The following MBNL2 variants were observed in gnomAD, a reference collection of about 807,000 sequenced individuals.
The protein encoded by MBNL2 is muscleblind like splicing regulator 2.
A neutral mutation model predicts 41.9 loss-of-function variants in MBNL2; 17 were observed. That is an observed-to-expected ratio of 0.41 (90% confidence interval 0.28 to 0.61). The LOEUF (loss-of-function observed/expected upper bound fraction) is 0.61. MBNL2 is among the 20% of genes least tolerant of loss of function. The pLI is 0.35. For synonymous variants in MBNL2, 195 were observed against 182.9 expected, an observed-to-expected ratio of 1.07 and a Z score of -0.53; for missense variants, 336 against 505.6, an observed-to-expected ratio of 0.66 and a Z score of 3.22.
intron 1 of MBNL2, among the ~76,000 whole-genome samples, chr13:97,244,117 T>G (rs1390997332): frequency 1.3e-5 from 2 of 152,220 alleles, no homozygotes; most frequent in Non-Finnish European, 2.9e-5. Context: ...TTCAAAGTCC[T>G]CACAGTTTAA....
chr13:97,155,381 C>CT, the MBNL2 span, among the ~76,000 whole-genome samples: 14,766 of 139,756 alleles, frequency 0.11, 743 homozygotes, highest in East Asian at 0.16. Flanking sequence ...AAGTAATTTT[C>CT]TTTTTTTTTT....
intron 8 of MBNL2, among the ~76,000 whole-genome samples, chr13:97,390,076 G>T (rs1188633360): frequency 6.6e-6 from 1 of 151,952 alleles, no homozygotes; most frequent in Admixed American, 6.6e-5. Flanking sequence ...TACATTCCTA[G>T]GAATATTTAA....
At chr13:97,287,075 TC>T (rs911569801) in intron 2 of MBNL2, among the ~76,000 whole-genome samples, 4 of 152,222 alleles carry the variant, frequency 2.6e-5, no homozygotes, top group African/African-American at 9.7e-5. Flanking sequence ...ACTCAGTTTT[TC>T]CCATTAATGT....
At chr13:97,182,840 C>T in the MBNL2 span, among the ~76,000 whole-genome samples, 1 of 152,098 alleles carries the variant, frequency 6.6e-6, no homozygotes, top group Non-Finnish European at 1.5e-5. Context: ...GAGAATTATT[C>T]CCCTCCATTG....
At chr13:97,239,089 C>T (rs1217198252) in intron 1 of MBNL2, among the ~76,000 whole-genome samples, 3 of 152,220 alleles carry the variant, frequency 2.0e-5, no homozygotes, top group Non-Finnish European at 4.4e-5. Flanking sequence ...TAATCAAACA[C>T]GATCTCTGTA....
intron 2 of MBNL2, among the ~76,000 whole-genome samples, chr13:97,283,792 C>G (rs564372266): frequency 6.6e-6 from 1 of 152,218 alleles, no homozygotes; most frequent in East Asian, 1.9e-4. Context: ...TCCCAATACC[C>G]AAGATATTCT....
chr13:97,203,915 TGGAC>T, the MBNL2 span, among the ~76,000 whole-genome samples: 43 of 130,184 alleles, frequency 3.3e-4, no homozygotes, highest in African/African-American at 1.0e-3. Flanking sequence ...GATGGATGGA[TGGAC>T]GGACGGATGA....
intron 5 of MBNL2, among the ~76,000 whole-genome samples, chr13:97,347,588 T>G (rs2062005814): frequency 6.6e-6 from 1 of 152,168 alleles, no homozygotes; most frequent in Admixed American, 6.5e-5. Flanking sequence ...CTGGTCAGAT[T>G]CCCCATCTCA....
intron 2 of MBNL2, among the ~76,000 whole-genome samples, chr13:97,313,034 C>T (rs1219003067): frequency 6.6e-6 from 1 of 152,164 alleles, no homozygotes; most frequent in East Asian, 1.9e-4. Flanking sequence ...CAATCGTCTA[C>T]AGAGGGAAAC....
At chr13:97,263,641 G>A (rs1269008692) in intron 1 of MBNL2, among the ~76,000 whole-genome samples, 2 of 152,082 alleles carry the variant, frequency 1.3e-5, no homozygotes, top group Non-Finnish European at 2.9e-5. Context: ...TTATTGAGAC[G>A]GAGTCTTACT....
At chr13:97,174,423 A>G in the MBNL2 span, among the ~76,000 whole-genome samples, 1 of 152,352 alleles carries the variant, frequency 6.6e-6, no homozygotes. Context: ...CAGACTCATT[A>G]GGACAAAGAA....
At chr13:97,330,166 G>A (rs577095928) in intron 2 of MBNL2, among the ~76,000 whole-genome samples, 1 of 152,300 alleles carries the variant, frequency 6.6e-6, no homozygotes, top group African/African-American at 2.4e-5. Context: ...TTGAATGAAA[G>A]AATGAATGAG....
At chr13:97,350,978 G>A (rs1047139228) in intron 5 of MBNL2, among the ~76,000 whole-genome samples, 1 of 152,160 alleles carries the variant, frequency 6.6e-6, no homozygotes, top group Admixed American at 6.5e-5. Flanking sequence ...TTCATCAGAG[G>A]AATCACTATC....
chr13:97,281,216 G>A (rs941343675), intron 2 of MBNL2, among the ~76,000 whole-genome samples: 15 of 152,110 alleles, frequency 9.9e-5, no homozygotes, highest in Non-Finnish European at 1.8e-4. Flanking sequence ...ATTGTACAGG[G>A]GTGCACTGCA....
chr13:97,314,321 T>G (rs1044126853), intron 2 of MBNL2, among the ~76,000 whole-genome samples: 3 of 152,232 alleles, frequency 2.0e-5, no homozygotes, highest in Non-Finnish European at 2.9e-5. Flanking sequence ...GTTCATCCTA[T>G]GAAAACTTGT....
intron 5 of MBNL2, among the ~76,000 whole-genome samples, chr13:97,354,582 T>C (rs556794752): frequency 1.3e-5 from 2 of 152,332 alleles, no homozygotes; most frequent in South Asian, 4.1e-4. Context: ...TTTACATTCC[T>C]AGATTATTCT....
the MBNL2 span, among the ~76,000 whole-genome samples, chr13:97,200,233 T>C: frequency 1.3e-5 from 2 of 152,136 alleles, no homozygotes; most frequent in African/African-American, 2.4e-5. Flanking sequence ...AGCAGATCTT[T>C]GGGGAATTGG....
the MBNL2 span, among the ~76,000 whole-genome samples, chr13:97,158,890 G>A: frequency 6.6e-6 from 1 of 151,626 alleles, no homozygotes; most frequent in Non-Finnish European, 1.5e-5. Context: ...GGGGTGGAGA[G>A]TTCTGTAGAT....
chr13:97,270,203 C>A (rs1308966325), intron 1 of MBNL2, among the ~76,000 whole-genome samples: 2 of 152,136 alleles, frequency 1.3e-5, no homozygotes, highest in Non-Finnish European at 2.9e-5. Flanking sequence ...CCGTCAGTAG[C>A]AATAGAATGT....
Sources: gnomAD v4.1 joint callset for allele counts (sites outside exome capture counted in the v4.1 genomes callset) on GRCh38, gnomAD v4.1.1 for gene constraint, MANE v1.5 for transcripts, NCBI Gene and HGNC (gene_info 2026-07-23, HGNC 2026-07-21) for gene names.